The following MEF2A variants were observed in gnomAD, a reference collection of about 807,000 sequenced individuals.
The protein encoded by MEF2A is myocyte enhancer factor 2A.
A neutral mutation model predicts 55.8 loss-of-function variants in MEF2A; 28 were observed. The observed-to-expected ratio is 0.50, with a 90% CI of 0.37 to 0.69. The LOEUF (loss-of-function observed/expected upper bound fraction) is 0.69. Among genes scored for constraint, MEF2A ranks in the 30% least tolerant of loss-of-function variants. The pLI is 0.00. For synonymous variants in MEF2A, 239 were observed against 227.1 expected (o/e 1.05, Z -0.47); for missense variants, 528 against 626.2 (o/e 0.84, Z 1.67).
intron 4 of MEF2A, among the ~76,000 whole-genome samples, chr15:99,659,377 G>C (rs555713962): frequency 6.6e-5 from 10 of 152,214 alleles, no homozygotes; most frequent in African/African-American, 2.4e-4. Context: ...AGAAGCCATA[G>C]CCTGAACACC....
intron 8 of MEF2A, among the ~76,000 whole-genome samples, chr15:99,695,341 C>G (rs188796142): frequency 1.3e-5 from 2 of 151,874 alleles, no homozygotes; most frequent in African/African-American, 4.8e-5. Context: ...AACCCTAGTG[C>G]AACTACAGAA....
chr15:99,690,158 C>G (rs1433018655), intron 7 of MEF2A, 83 bp from the exon 8 acceptor site: 7 of 1,345,190 alleles, frequency 5.2e-6, no homozygotes, highest in East Asian at 2.5e-5. Context: ...ATTTGCAACT[C>G]AGACTGGGGA....
At chr15:99,698,906 G>A (rs116353431) in intron 8 of MEF2A, among the ~76,000 whole-genome samples, 1,545 of 152,034 alleles carry the variant, frequency 0.01, 26 homozygotes, top group African/African-American at 0.035. Flanking sequence ...GAGTTGGTCA[G>A]TTCTTATGAA....
intron 1 of MEF2A, among the ~76,000 whole-genome samples, chr15:99,579,561 A>G (rs1596256617): frequency 6.6e-6 from 1 of 151,612 alleles, no homozygotes; most frequent in African/African-American, 2.4e-5. Flanking sequence ...TGCCTGGCTA[A>G]TTTTTTGTAT....
intron 4 of MEF2A, among the ~76,000 whole-genome samples, chr15:99,658,038 A>C (rs2048032661): frequency 6.6e-6 from 1 of 152,186 alleles, no homozygotes; most frequent in Non-Finnish European, 1.5e-5. Context: ...AGAACTATAG[A>C]GCATCATACA....
intron 2 of MEF2A, among the ~76,000 whole-genome samples, chr15:99,603,390 T>C (rs1034025003): frequency 1.4e-4 from 21 of 147,734 alleles, no homozygotes; most frequent in East Asian, 1.2e-3. Context: ...TTTTTTTTTT[T>C]CAAAGACAGT....
At chr15:99,643,316 C>T (rs1347615548) in intron 3 of MEF2A, among the ~76,000 whole-genome samples, 2 of 152,066 alleles carry the variant, frequency 1.3e-5, no homozygotes, top group Admixed American at 6.5e-5. Flanking sequence ...TGTATGACAA[C>T]CAAAAACTTA....
intron 7 of MEF2A, among the ~76,000 whole-genome samples, chr15:99,683,325 A>G (rs1175238361): frequency 1.3e-5 from 2 of 152,218 alleles, no homozygotes; most frequent in African/African-American, 4.8e-5. Flanking sequence ...TGAGTGGGTC[A>G]CTTGGTAAAC....
chr15:99,634,334 G>A (rs1596638301), intron 3 of MEF2A, among the ~76,000 whole-genome samples: 1 of 152,148 alleles, frequency 6.6e-6, no homozygotes, highest in South Asian at 2.1e-4. Context: ...GGCCCACACA[G>A]TATGATTCAT....
intron 7 of MEF2A, among the ~76,000 whole-genome samples, chr15:99,682,576 A>G (rs1367640529): frequency 6.6e-6 from 1 of 152,212 alleles, no homozygotes; most frequent in Non-Finnish European, 1.5e-5. Flanking sequence ...ACTCTACAAA[A>G]TAACAAGTCG....
chr15:99,624,938 C>G (rs376430685), intron 2 of MEF2A, among the ~76,000 whole-genome samples: 1 of 152,066 alleles, frequency 6.6e-6, no homozygotes, highest in Non-Finnish European at 1.5e-5. Flanking sequence ...GTTTGACTTA[C>G]GATTTTTCGA....
chr15:99,670,092 T>A (rs1330947199), intron 4 of MEF2A, among the ~76,000 whole-genome samples: 1 of 152,144 alleles, frequency 6.6e-6, no homozygotes, highest in Admixed American at 6.6e-5. Flanking sequence ...TAGGATTTTT[T>A]AAAAAAGAAG....
In MEF2A at chr15:99,712,355, C is replaced by A. The variant is rs186573914; in HGVS notation, c.1137-35C>A. 4.0e-6 allele frequency: 6 copies of A among 1,492,152 alleles called. No homozygotes were observed. The highest frequency in any genetic ancestry group is 5.4e-6 in the Non-Finnish European group (6 of 1,114,968). 92.4% of individuals were successfully genotyped at this position (1,492,152 alleles called of 1,614,324 possible). A position where few individuals can be genotyped will look rare whatever the true frequency, so the allele number is the denominator to read the frequency against. On this transcript the variant is annotated intron_variant, in intron 11 of 11. Transcript: ENST00000557942. The surrounding 1 kb of genome is among the most constrained non-coding windows in gnomAD (Gnocchi z 4.1). ...CATCCCAGTTTTGCAGAGGTACTTG[C>A]AAGCCATCTGACCTCTCTCTTTTTT...
At chr15:99,711,395 G>C (rs1273811775) in intron 11 of MEF2A, among the ~76,000 whole-genome samples, 2 of 152,234 alleles carry the variant, frequency 1.3e-5, no homozygotes, top group African/African-American at 4.8e-5. Flanking sequence ...TATGGGCAGG[G>C]TGTAAGGATA....
intron 1 of MEF2A, among the ~76,000 whole-genome samples, chr15:99,594,058 A>G (rs1373529247): frequency 6.6e-6 from 1 of 152,118 alleles, no homozygotes; most frequent in Non-Finnish European, 1.5e-5. Context: ...TGGATTTCCT[A>G]TAATTCAGTT....
At chr15:99,662,647 T>C (rs1485374452) in intron 4 of MEF2A, among the ~76,000 whole-genome samples, 1 of 152,120 alleles carries the variant, frequency 6.6e-6, no homozygotes, top group Non-Finnish European at 1.5e-5. Flanking sequence ...AGCTAATTTT[T>C]TTGTATTTGG....
At chr15:99,669,852 A>T (rs576590976) in intron 4 of MEF2A, among the ~76,000 whole-genome samples, 12 of 152,350 alleles carry the variant, frequency 7.9e-5, no homozygotes, top group African/African-American at 2.6e-4. Flanking sequence ...GGATACTAAG[A>T]TCTGCTATGA....
intron 7 of MEF2A, among the ~76,000 whole-genome samples, chr15:99,686,331 T>C (rs1488268620): frequency 6.6e-6 from 1 of 152,162 alleles, no homozygotes; most frequent in Non-Finnish European, 1.5e-5. Flanking sequence ...CCCTGTGAGA[T>C]TTATGATTTA....
chr15:99,680,529 T>C (rs1251558844), intron 7 of MEF2A, among the ~76,000 whole-genome samples: 1 of 152,208 alleles, frequency 6.6e-6, no homozygotes, highest in Non-Finnish European at 1.5e-5. Context: ...TAAAAATGTT[T>C]ATACCTCCAA....
Sources: allele counts gnomAD v4.1 joint callset (sites outside exome capture counted in the v4.1 genomes callset), GRCh38; gene constraint gnomAD v4.1.1; non-coding constraint Gnocchi (gnomAD v3.1); transcripts MANE v1.5; gene names NCBI Gene and HGNC (gene_info 2026-07-23, HGNC 2026-07-21).